The following ADAP2 variants were observed in gnomAD, a reference collection of about 807,000 sequenced individuals.
The protein encoded by ADAP2 is arf-GAP with dual PH domain-containing protein 2.
In ADAP2, 42 loss-of-function variants were observed where a neutral mutation model predicts 54.9. The observed-to-expected ratio is 0.77, with a 90% CI of 0.60 to 0.99. The LOEUF is 0.99. Ranked by LOEUF, ADAP2 falls within the 50% of genes least tolerant of loss-of-function variation. ADAP2 has a pLI of 0.00. For missense variants in ADAP2, 429 were observed against 480.4 expected, an observed-to-expected ratio of 0.89 and a Z score of 1.00; for synonymous variants, 177 against 180.1, an observed-to-expected ratio of 0.98 and a Z score of 0.14.
intron 3 of ADAP2, among the ~76,000 whole-genome samples, chr17:30,929,000 C>T (rs1466005542): frequency 6.6e-6 from 1 of 152,224 alleles, no homozygotes; most frequent in East Asian, 1.9e-4. Flanking sequence ...TTGGGCAGTA[C>T]ACAGACTATA....
intron 3 of ADAP2, 22 bp downstream of exon 3, chr17:30,926,940 G>A: frequency 6.3e-7 from 1 of 1,579,804 alleles, no homozygotes; most frequent in Non-Finnish European, 8.7e-7. Flanking sequence ...ATTCCTTAGG[G>A]ACTGGGTGAG....
chr17:30,949,769 A>G (rs1050766873), intron 7 of ADAP2, among the ~76,000 whole-genome samples: 105 of 148,712 alleles, frequency 7.1e-4, no homozygotes, highest in South Asian at 1.3e-3. Context: ...AAAAAAAAAA[A>G]GAAGAAGAAG....
intron 9 of ADAP2, among the ~76,000 whole-genome samples, chr17:30,955,756 G>C (rs1905024322): frequency 6.6e-6 from 1 of 151,668 alleles, no homozygotes; most frequent in Non-Finnish European, 1.5e-5. Context: ...AGGTGTGGTG[G>C]TGCATGCCTG....
At chr17:30,931,690 G>T (rs1161756517) in intron 3 of ADAP2, among the ~76,000 whole-genome samples, 199 bp from the exon 4 acceptor site, 1 of 151,940 alleles carries the variant, frequency 6.6e-6, no homozygotes, top group Non-Finnish European at 1.5e-5. Flanking sequence ...GTGTGGTGGT[G>T]CCTGCCTGTG....
At chr17:30,932,230 C>CTTTT (rs769096794) in intron 4 of ADAP2, among the ~76,000 whole-genome samples, 1 of 118,952 alleles carries the variant, frequency 8.4e-6, no homozygotes. Flanking sequence ...TGTACAGACT[C>CTTTT]TTTTTTTTTT....
intron 9 of ADAP2, among the ~76,000 whole-genome samples, 172 bp from the exon 10 acceptor site, chr17:30,956,069 G>A (rs1320190215): frequency 1.3e-5 from 2 of 152,270 alleles, no homozygotes; most frequent in Middle Eastern, 3.4e-3. Context: ...AATAGATGAT[G>A]TGTATGATTT....
rs1464409495 is a variant in ADAP2, at chr17:30,922,093, G to A, written c.79G>A (p.Asp27Asn). 1.5e-5 allele frequency: 19 copies of A among 1,251,588 alleles called. No homozygotes were observed. The highest frequency in any genetic ancestry group is 1.9e-5 in the Non-Finnish European group (19 of 1,000,062). The allele number at this position is 1,251,588 out of a possible 1,614,324, so 77.5% of individuals were successfully genotyped here. A position where few individuals can be genotyped will look rare whatever the true frequency, so the allele number is the denominator to read the frequency against. The change falls in exon 1 of 11, where the codon GAC (aspartate) becomes AAC (asparagine). Residue 27 changes from aspartate (D) to asparagine (N), a missense_variant. Coordinates refer to ENST00000330889, the MANE Select transcript of ADAP2 (RefSeq NM_018404.3). ...GGACACAGGCAACGCGCACTGCGCC[G>A]ACTGCGGGGCGGCAGGTAAGGGCGC... The part of the protein sequence containing the change: ...APDTGNAHCA[D>N]CGAADPDWAS...
intron 1 of ADAP2, 126 bp downstream of exon 1, chr17:30,922,234 C>T: frequency 1.7e-6 from 1 of 585,502 alleles, no homozygotes; most frequent in Non-Finnish European, 2.5e-6. Flanking sequence ...ACCTGCGGGC[C>T]CCGACCCCTC....
intron 10 of ADAP2, 138 bp from the exon 11 acceptor site, chr17:30,957,697 C>A (rs1335302311): frequency 6.5e-6 from 5 of 770,270 alleles, no homozygotes; most frequent in Non-Finnish European, 8.7e-6. Flanking sequence ...TCCCAAAGTG[C>A]TGGGATTACA....
chr17:30,929,097 C>T (rs1911295060), intron 3 of ADAP2, among the ~76,000 whole-genome samples: 1 of 152,198 alleles, frequency 6.6e-6, no homozygotes, highest in African/African-American at 2.4e-5. Context: ...GGAAGCACAG[C>T]TTTCTACTTG....
At chr17:30,937,918 T>C (rs1339248036) in intron 5 of ADAP2, among the ~76,000 whole-genome samples, 2 of 152,202 alleles carry the variant, frequency 1.3e-5, no homozygotes, top group Non-Finnish European at 2.9e-5. Context: ...AAGTTGGATG[T>C]ATGTTTCCTG....
At position 30,949,267 on chromosome 17, in the gene ADAP2, C is replaced by A. The variant is rs1445044086; in HGVS notation, c.658-20C>A. 6.2e-7 allele frequency: 1 copy of A among 1,609,170 alleles called. No individual in the cohort carries two copies. Among genetic ancestry groups the A allele is most frequent in the South Asian group, 1.1e-5 (1 of 90,986 alleles). On this transcript the variant is annotated intron_variant, in intron 6 of 10. Transcript: ENST00000330889. ...CCCATCTCACTGCTGTGTGTGTGTC[C>A]TGTGCACTTCTCTCCGCAGGAGATA...
rs554160156 is a variant in ADAP2 at position 30,921,980 on chromosome 17, A to T, written c.-35A>T. 1.1e-5 allele frequency: 14 copies of T among 1,246,534 alleles called. 1 individual carries two copies. The East Asian group carries it at 4.6e-4, about 41-fold the overall frequency. The allele number at this position is 1,246,534 out of a possible 1,614,324, so 77.2% of individuals were successfully genotyped here. On this transcript the variant is annotated 5_prime_UTR_variant, in exon 1 of 11. It removes an upstream start codon present in the reference 5' UTR. Transcript: ENST00000330889. ...ACCTGCCGGGCGGAGCGCACGGGCCATGGGCTGAGCCCCGCTGAGCCCGCC... is the reference window on the plus strand; with the variant it reads ...ACCTGCCGGGCGGAGCGCACGGGCCTTGGGCTGAGCCCCGCTGAGCCCGCC...
At chr17:30,938,454 A>T (rs905146272) in intron 5 of ADAP2, among the ~76,000 whole-genome samples, 1 of 152,186 alleles carries the variant, frequency 6.6e-6, no homozygotes, top group African/African-American at 2.4e-5. Flanking sequence ...CCCTGATTCA[A>T]GGGGAGGGGA....
intron 7 of ADAP2, among the ~76,000 whole-genome samples, chr17:30,950,107 C>G (rs1904516777): frequency 6.6e-6 from 1 of 152,166 alleles, no homozygotes; most frequent in Non-Finnish European, 1.5e-5. Context: ...TATACAGTCC[C>G]AGGAAGGGCA....
chr17:30,931,757 G>A, intron 3 of ADAP2, 132 bp from the exon 4 acceptor site: 1 of 604,318 alleles, frequency 1.7e-6, no homozygotes, highest in Non-Finnish European at 2.9e-6. Flanking sequence ...GGAGGTCTAG[G>A]CTGCAGTGAG....
At chr17:30,923,722 C>T (rs1304020776) in intron 2 of ADAP2, among the ~76,000 whole-genome samples, 1 of 98,912 alleles carries the variant, frequency 1.0e-5, no homozygotes, top group African/African-American at 4.2e-5. Flanking sequence ...TTTTTTGAGA[C>T]GGAGTTTCAC....
chr17:30,954,400 T>A (rs1238233809), intron 8 of ADAP2, 78 bp from the exon 9 acceptor site: 1 of 1,294,674 alleles, frequency 7.7e-7, no homozygotes, highest in African/African-American at 1.5e-5. Flanking sequence ...CTCCTTTGGT[T>A]TGGGCTGGGC....
chr17:30,957,788 A>G, intron 10 of ADAP2, 47 bp from the exon 11 acceptor site: 1 of 1,602,492 alleles, frequency 6.2e-7, no homozygotes, highest in South Asian at 1.1e-5. Context: ...TCCACAGGAC[A>G]GCATTGGCAT....
Sources: allele counts gnomAD v4.1 joint callset (sites outside exome capture counted in the v4.1 genomes callset), GRCh38; gene constraint gnomAD v4.1.1; transcripts MANE v1.5; gene names NCBI Gene and HGNC (gene_info 2026-07-23, HGNC 2026-07-21).